The following SLC12A1 variants were observed in gnomAD, a reference collection of about 807,000 sequenced individuals.
SLC12A1 encodes the protein solute carrier family 12 member 1.
SLC12A1 carries 89 observed loss-of-function variants against 130.4 expected under a neutral mutation model. That is an observed-to-expected ratio of 0.68 (90% CI 0.58 to 0.81). SLC12A1 has a LOEUF of 0.81. SLC12A1 is among the 40% of genes least tolerant of loss of function. The pLI is 0.00. For missense variants in SLC12A1, 1,310 were observed against 1,336.4 expected (o/e 0.98, Z 0.31); for synonymous variants, 499 against 460.0 (o/e 1.08, Z -1.09).
chr15:48,214,529 T>C (rs1219476824), intron 2 of SLC12A1, among the ~76,000 whole-genome samples: 1 of 152,230 alleles, frequency 6.6e-6, no homozygotes, highest in Non-Finnish European at 1.5e-5. Flanking sequence ...TTGGTAGTGA[T>C]TTATAGGCAT....
At chr15:48,292,137 A>G (rs934320801) in intron 24 of SLC12A1, among the ~76,000 whole-genome samples, 1 of 152,232 alleles carries the variant, frequency 6.6e-6, no homozygotes, top group Non-Finnish European at 1.5e-5. Flanking sequence ...CTTGTTTTCT[A>G]TGGTGGCAAG....
At position 48,229,230 on chromosome 15, in the gene SLC12A1, T is replaced by C. The variant is rs552688153; in HGVS notation, c.766T>C (p.Phe256Leu). Residue 256 changes from phenylalanine to leucine, a missense_variant, in exon 6 of 27, where the codon TTC becomes CTC. Coordinates refer to ENST00000380993, the MANE Select transcript of SLC12A1 (RefSeq NM_000338.3). ...YLISRSLGPE[F>L]GGSIGLIFAF... The stretch of plus-strand genomic sequence containing the variant: ...TATTTCCAGAAGTTTAGGGCCCGAG[T>C]TCGGTGGGTCAATAGGCCTGATCTT... 3.1e-5 allele frequency: 50 copies of C among 1,593,636 alleles called. No individual in the cohort carries two copies. The highest frequency in any genetic ancestry group is 4.2e-5 in the Non-Finnish European group (49 of 1,169,306).
intron 5 of SLC12A1, chr15:48,227,281 T>G: frequency 1.1e-6 from 1 of 875,004 alleles, no homozygotes; most frequent in East Asian, 2.7e-5. Flanking sequence ...GTCCCCAGTG[T>G]CCTAAACAAA....
chr15:48,286,423 C>A (rs2042060612), intron 21 of SLC12A1, among the ~76,000 whole-genome samples: 1 of 152,162 alleles, frequency 6.6e-6, no homozygotes, highest in Non-Finnish European at 1.5e-5. Context: ...TAAGACTGTT[C>A]TGGATGCTAA....
chr15:48,210,779 C>G (rs1271832020), intron 2 of SLC12A1, among the ~76,000 whole-genome samples: 1 of 150,912 alleles, frequency 6.6e-6, no homozygotes, highest in African/African-American at 2.4e-5. Context: ...AGGAGAATTG[C>G]TTGAACCTGA....
intron 2 of SLC12A1, among the ~76,000 whole-genome samples, chr15:48,210,209 A>G (rs2041035445): frequency 1.3e-5 from 2 of 152,216 alleles, no homozygotes; most frequent in South Asian, 4.1e-4. Context: ...GCATTATAAA[A>G]AGATATTTCA....
At chr15:48,217,010 T>A (rs191132019) in intron 2 of SLC12A1, among the ~76,000 whole-genome samples, 44 of 152,316 alleles carry the variant, frequency 2.9e-4, no homozygotes, top group African/African-American at 1.0e-3. Flanking sequence ...AATTGAGATG[T>A]ACTGCCAGTG....
Position 48,259,409 on chromosome 15 carries a change from A to G in SLC12A1, c.2154+98A>G, listed in dbSNP as rs758302978. On this transcript the variant is annotated intron_variant, in intron 17 of 26. Transcript: ENST00000380993. ...AAGGTACATGCAGTGACAGGAAAAT[A>G]GCAAAAAAACAGTTTATAGGAGAGC... 1.0e-5 allele frequency: 9 copies of G among 860,426 alleles called. No homozygotes were observed. In the African/African-American group the frequency reaches 1.3e-4, roughly 13 times the overall value. The allele number at this position is 860,426 out of a possible 1,614,324, so 53.3% of individuals were successfully genotyped here.
intron 4 of SLC12A1, chr15:48,222,352 C>T (rs1181581224): frequency 6.6e-6 from 1 of 152,140 alleles, no homozygotes; most frequent in Non-Finnish European, 1.5e-5. Context: ...TTAATCAGAT[C>T]TTACATTACT....
chr15:48,248,796 C>CACTTTGGG (rs749040493), intron 13 of SLC12A1, among the ~76,000 whole-genome samples: 1 of 152,218 alleles, frequency 6.6e-6, no homozygotes, highest in African/African-American at 2.4e-5. Flanking sequence ...TTCATCCTGG[C>CACTTTGGG]ACTTTGGGAG....
Position 48,229,196 on chromosome 15 carries a change from C to T in SLC12A1, c.732C>T (p.Ala244=). The T allele has an allele frequency of 5.0e-6, 8 of 1,587,360 alleles. No homozygotes were observed. The highest frequency in any genetic ancestry group is 6.9e-6 in the Non-Finnish European group (8 of 1,165,650). Residue 244 remains alanine, a synonymous_variant, in exon 6 of 27, where the codon GCC becomes GCT. Coordinates refer to ENST00000380993, the MANE Select transcript of SLC12A1 (RefSeq NM_000338.3). ...ATNGFVRGGG[A]YYLISRSLGP... ...GTTCATTTCTTGTTTCAGGTGGGGC[C>T]TACTATCTTATTTCCAGAAGTTTAG...
intron 5 of SLC12A1, chr15:48,227,080 T>A (rs774658370): frequency 6.4e-7 from 1 of 1,551,082 alleles, no homozygotes; most frequent in African/African-American, 1.4e-5. Context: ...ATTTTGCAGG[T>A]CTTGGAGTCA....
At chr15:48,230,042 G>A (rs959635676) in intron 6 of SLC12A1, among the ~76,000 whole-genome samples, 10 of 152,262 alleles carry the variant, frequency 6.6e-5, no homozygotes, top group African/African-American at 1.4e-4. Flanking sequence ...TAAACCATCC[G>A]TTTTTATTCT....
At chr15:48,297,504 C>A (rs560797358) in intron 24 of SLC12A1, among the ~76,000 whole-genome samples, 1 of 152,354 alleles carries the variant, frequency 6.6e-6, no homozygotes, top group East Asian at 1.9e-4. Flanking sequence ...CAACCAGCAA[C>A]CTCTACTCCA....
Position 48,251,635 on chromosome 15 carries a change from AT to A in SLC12A1, c.1810del (p.Tyr604ThrfsTer39). On this transcript the variant is annotated frameshift_variant, in exon 15 of 27. Transcript: ENST00000380993. LOFTEE classifies it high-confidence loss of function. ...KSPGWRPAYG[I>X]YNMWVSLFGA... ...TTCAGGATGGAGACCTGCGTATGGA[AT>A]TTACAACATGTGGGTATCTCTTTTT... 1 of 1,613,834 alleles carries A rather than the reference AT, an allele frequency of 6.2e-7. No individual in the cohort carries two copies. The highest frequency in any genetic ancestry group is 8.5e-7 in the Non-Finnish European group (1 of 1,179,764).
chr15:48,233,386 C>T (rs1359655626), intron 8 of SLC12A1, among the ~76,000 whole-genome samples: 1 of 152,210 alleles, frequency 6.6e-6, no homozygotes, highest in Non-Finnish European at 1.5e-5. Context: ...TCAATTTGTT[C>T]AACCACTGCA....
At chr15:48,246,471 T>A (rs911223042) in intron 11 of SLC12A1, among the ~76,000 whole-genome samples, 2 of 152,190 alleles carry the variant, frequency 1.3e-5, no homozygotes, top group African/African-American at 2.4e-5. Context: ...TTTCTATTTT[T>A]AAAAAATAAA....
chr15:48,217,219 A>G (rs1323790466), intron 2 of SLC12A1, among the ~76,000 whole-genome samples: 1 of 152,224 alleles, frequency 6.6e-6, no homozygotes, highest in Non-Finnish European at 1.5e-5. Flanking sequence ...TATATTGCAA[A>G]TATTAGAAAT....
At position 48,232,709 on chromosome 15, in the gene SLC12A1, T is replaced by C. The variant is rs1231426926; in HGVS notation, c.976-18T>C. Reference sequence around the variant, plus strand: ...TTAAATAAATCTGATTTGGTTTCCTTTTACCTTTCCATTCCAGGCCCAAGT... The same window carrying C: ...TTAAATAAATCTGATTTGGTTTCCTCTTACCTTTCCATTCCAGGCCCAAGT... On this transcript the variant is annotated intron_variant, in intron 7 of 26. Transcript: ENST00000380993. 2.0e-6 allele frequency: 3 copies of C among 1,478,308 alleles called. No individual in the cohort carries two copies. Among genetic ancestry groups the C allele is most frequent in the Admixed American group, 3.3e-5 (2 of 59,862 alleles). The allele number at this position is 1,478,308 out of a possible 1,614,324, so 91.6% of individuals were successfully genotyped here. A position where few individuals can be genotyped will look rare whatever the true frequency, so the allele number is the denominator to read the frequency against.
Sources: allele counts gnomAD v4.1 joint callset (sites outside exome capture counted in the v4.1 genomes callset), GRCh38; gene constraint gnomAD v4.1.1; transcripts MANE v1.5; gene names NCBI Gene and HGNC (gene_info 2026-07-23, HGNC 2026-07-21).